The following TBX18 variants were observed in gnomAD, a reference collection of about 807,000 sequenced individuals.
TBX18 encodes the protein T-box transcription factor 18.
Under a neutral mutation model 55.0 loss-of-function variants are expected in TBX18, and 21 were observed. The ratio of observed to expected loss-of-function variants is 0.38; its 90% CI spans 0.27 to 0.55. The LOEUF (loss-of-function observed/expected upper bound fraction) is 0.55, where lower values mean the gene tolerates loss of function less well. TBX18 is among the 20% of genes least tolerant of loss of function. The pLI is 0.73. For missense variants in TBX18, 840 were observed against 799.6 expected (o/e 1.05, Z -0.61); for synonymous variants, 342 against 326.1 (o/e 1.05, Z -0.53).
intron 2 of TBX18, among the ~76,000 whole-genome samples, chr6:84,761,555 G>A (rs775145689): frequency 2.0e-4 from 31 of 152,054 alleles, no homozygotes; most frequent in Non-Finnish European, 4.0e-4. Flanking sequence ...ATGTTTTTTT[G>A]TAATTTCTAA....
intron 6 of TBX18, among the ~76,000 whole-genome samples, chr6:84,740,054 C>T (rs970084918): frequency 6.6e-6 from 1 of 152,148 alleles, no homozygotes; most frequent in Non-Finnish European, 1.5e-5. Flanking sequence ...GCACATAAGC[C>T]TGACTCATCT....
At chr6:84,763,718 C>A (rs568618778) in intron 1 of TBX18, among the ~76,000 whole-genome samples, 172 bp downstream of exon 1, 32 of 152,168 alleles carry the variant, frequency 2.1e-4, no homozygotes, top group Non-Finnish European at 4.4e-4. Context: ...GTATCTGAAC[C>A]GTCTGGAGGG....
At position 84,737,091 on chromosome 6, in the gene TBX18, G is replaced by C. The variant is rs377374716; in HGVS notation, c.1418C>G (p.Thr473Ser). The C allele has an allele frequency of 6.2e-7, 1 of 1,614,218 alleles. No individual in the cohort carries two copies. The highest frequency in any genetic ancestry group is 8.5e-7 in the Non-Finnish European group (1 of 1,180,044). ...STSVNMSMGG[T>S]DGDTFSCPQT... ...TGGGCAGCTGAAGGTGTCCCCATCA[G>C]TGCCACCCATGGACATGTTCACGGA... The change falls in exon 8 of 8, where the codon ACT (threonine) becomes AGT (serine). Residue 473 changes from threonine to serine, a missense_variant. Physicochemically the swap from Thr to Ser is moderately conservative, Grantham distance 58. Transcript: ENST00000369663.
rs1773902766 is a variant in TBX18, at chr6:84,735,103, G to A, written c.*1582C>T. 1.3e-5 allele frequency: 2 copies of A among 152,104 alleles called. No homozygotes were observed. Among genetic ancestry groups the A allele is most frequent in the South Asian group, 4.1e-4 (2 of 4,830 alleles). The allele number at this position is 152,104 out of a possible 1,614,324, so 9.4% of individuals were successfully genotyped here. Reference sequence around the variant, plus strand: ...GTACCCTTTCCCCACCAAATCCAGGGATGAGTTAAAGCAACTCTTTTTAGC... The same window carrying A: ...GTACCCTTTCCCCACCAAATCCAGGAATGAGTTAAAGCAACTCTTTTTAGC... On this transcript the variant is annotated 3_prime_UTR_variant, in exon 8 of 8. Transcript: ENST00000369663.
intron 3 of TBX18, among the ~76,000 whole-genome samples, chr6:84,759,199 A>T (rs1767578418): frequency 6.6e-6 from 1 of 152,138 alleles, no homozygotes; most frequent in African/African-American, 2.4e-5. Context: ...AATAACTTAT[A>T]CACAAAACAA....
intron 4 of TBX18, among the ~76,000 whole-genome samples, chr6:84,752,530 C>G (rs1053135755): frequency 9.9e-5 from 15 of 152,198 alleles, no homozygotes; most frequent in African/African-American, 3.4e-4. Flanking sequence ...ATAATGGACT[C>G]TTTACAAATA....
Position 84,764,207 on chromosome 6 carries a change from CCT to C in TBX18, c.-28_-27del. 9 of 1,435,778 alleles carry C rather than the reference CCT, an allele frequency of 6.3e-6. No individual in the cohort carries two copies. The highest frequency in any genetic ancestry group is 2.6e-5 in the East Asian group (1 of 37,814). 88.9% of individuals were successfully genotyped at this position (1,435,778 alleles called of 1,614,324 possible). On this transcript the variant is annotated 5_prime_UTR_variant, in exon 1 of 8. Coordinates refer to ENST00000369663, the MANE Select transcript of TBX18 (RefSeq NM_001080508.3). ...CCCCCCCGCCCCGCGCCCGCCCGCC[CCT>C]CTCTCATATACACTCACGCGGGCAC...
chr6:84,763,931 C>T lies in TBX18; in HGVS notation c.251G>A (p.Gly84Glu). ...ALPPPAGATS[G>E]PARSGADLER... ...CAGGTCTGCGCCACTCCGAGCCGGC[C>T]CAGACGTCGCCCCAGCCGGCGGCGG... Residue 84 changes from glycine to glutamate, a missense_variant, in exon 1 of 8, where the codon GGG becomes GAG. Physicochemically the swap from Gly to Glu is moderately conservative, Grantham distance 98 (BLOSUM62 -2). Coordinates refer to ENST00000369663, the MANE Select transcript of TBX18 (RefSeq NM_001080508.3). The T allele has an allele frequency of 6.3e-7, 1 of 1,576,980 alleles. No individual in the cohort carries two copies. Among genetic ancestry groups the T allele is most frequent in the Non-Finnish European group, 8.6e-7 (1 of 1,167,288 alleles).
At position 84,738,495 on chromosome 6, in the gene TBX18, AC is replaced by A; in HGVS notation, c.1099+1del. ...TATGACCCAGGAGACTTTGTGAGTT[AC>A]CTTGCTTGGGAATTCCAGGGATATC... On this transcript the variant is annotated splice_donor_variant, in intron 7 of 7. Transcript: ENST00000369663. LOFTEE classifies it high-confidence loss of function. The A allele has an allele frequency of 6.2e-7, 1 of 1,613,486 alleles. No individual in the cohort carries two copies. Among genetic ancestry groups the A allele is most frequent in the Non-Finnish European group, 8.5e-7 (1 of 1,179,478 alleles).
intron 5 of TBX18, among the ~76,000 whole-genome samples, chr6:84,746,538 A>T (rs1767196069): frequency 6.8e-6 from 1 of 146,688 alleles, no homozygotes; most frequent in Non-Finnish European, 1.5e-5. Flanking sequence ...ATATATTAAA[A>T]TCATAAATAC....
rs1767084878 is a variant in TBX18, at chr6:84,742,945, T to C, written c.1004+1316A>G. Among the ~76,000 whole-genome samples, 3 of 152,214 alleles carry C rather than the reference T, an allele frequency of 2.0e-5. No homozygotes were observed. In the South Asian group the frequency reaches 6.2e-4, roughly 31 times the overall value. On this transcript the variant is annotated intron_variant, in intron 6 of 7. Transcript: ENST00000369663. ...TTAAATGATGGTTCAATTTGCATTT[T>C]AATTTTCAGAAACACCTCTGAAAAA...
chr6:84,763,989 C>A lies in TBX18; in HGVS notation c.193G>T (p.Gly65Cys). 3.8e-6 allele frequency: 6 copies of A among 1,575,434 alleles called. No homozygotes were observed. The highest frequency in any genetic ancestry group is 1.1e-5 in the South Asian group (1 of 87,486). Residue 65 changes from glycine (G) to cysteine (C), a missense_variant, in exon 1 of 8, where the codon GGT becomes TGT. Physicochemically the swap from Gly to Cys is radical, Grantham distance 159. Coordinates refer to ENST00000369663, the MANE Select transcript of TBX18 (RefSeq NM_001080508.3). ...GCGCCTTCGTCTCCCTCAGAAGAACCCTTTTCGCCCGCGCCGCCGCCGCGG... is the reference window on the plus strand; with the variant it reads ...GCGCCTTCGTCTCCCTCAGAAGAACACTTTTCGCCCGCGCCGCCGCCGCGG... ...CSRGGGAGEK[G>C]SSEGDEGAAL...
At chr6:84,748,897 A>G (rs917285432) in intron 4 of TBX18, among the ~76,000 whole-genome samples, 3 of 152,256 alleles carry the variant, frequency 2.0e-5, no homozygotes, top group Non-Finnish European at 4.4e-5. Flanking sequence ...TAAATTAGTT[A>G]GGTGAATGAA....
intron 4 of TBX18, among the ~76,000 whole-genome samples, chr6:84,749,476 AT>A (rs1015411996): frequency 2.7e-4 from 34 of 126,144 alleles, no homozygotes; most frequent in Middle Eastern, 4.1e-3. Flanking sequence ...TGTGGCTAAG[AT>A]TTTTTTTTTC....
In TBX18 at chr6:84,763,994, T is replaced by A; in HGVS notation, c.188A>T (p.Glu63Val). ...GGCSRGGGAG[E>V]KGSSEGDEGA... ...TTCGTCTCCCTCAGAAGAACCCTTTTCGCCCGCGCCGCCGCCGCGGCTGCA... is the reference window on the plus strand; with the variant it reads ...TTCGTCTCCCTCAGAAGAACCCTTTACGCCCGCGCCGCCGCCGCGGCTGCA... Residue 63 changes from glutamate (E) to valine (V), a missense_variant, in exon 1 of 8, where the codon GAA becomes GTA. Physicochemically the swap from Glu to Val is moderately radical, Grantham distance 121. Coordinates refer to ENST00000369663, the MANE Select transcript of TBX18 (RefSeq NM_001080508.3). The A allele has an allele frequency of 1.9e-6, 3 of 1,570,264 alleles. No individual in the cohort carries two copies. Among genetic ancestry groups the A allele is most frequent in the Non-Finnish European group, 2.6e-6 (3 of 1,163,060 alleles).
intron 5 of TBX18, among the ~76,000 whole-genome samples, chr6:84,747,675 G>C (rs1767232780): frequency 6.6e-6 from 1 of 151,684 alleles, no homozygotes; most frequent in African/African-American, 2.4e-5. Context: ...TAATTCAAAA[G>C]CTCAAAATGG....
At chr6:84,754,790 T>G (rs897694568) in intron 4 of TBX18, among the ~76,000 whole-genome samples, 2 of 152,180 alleles carry the variant, frequency 1.3e-5, no homozygotes, top group Non-Finnish European at 2.9e-5. Flanking sequence ...CTACCCTTCA[T>G]AATGTGGGTA....
In TBX18 at chr6:84,734,772, A is replaced by T. The variant is rs1773895308; in HGVS notation, c.*1913T>A. 1 of 152,392 alleles carries T rather than the reference A, an allele frequency of 6.6e-6. No individual in the cohort carries two copies. Among genetic ancestry groups the T allele is most frequent in the African/African-American group, 2.4e-5 (1 of 41,446 alleles). The allele number at this position is 152,392 out of a possible 1,614,324, so 9.4% of individuals were successfully genotyped here. Reference sequence around the variant, plus strand: ...AAGATGGAAAACTCTCTGTTCTTGAATTATACACCAAGCACTATTGGCTGA... The same window carrying T: ...AAGATGGAAAACTCTCTGTTCTTGATTTATACACCAAGCACTATTGGCTGA... On this transcript the variant is annotated 3_prime_UTR_variant, in exon 8 of 8. Transcript: ENST00000369663.
At chr6:84,754,410 T>C (rs1214753431) in intron 4 of TBX18, among the ~76,000 whole-genome samples, 2 of 152,208 alleles carry the variant, frequency 1.3e-5, no homozygotes, top group African/African-American at 4.8e-5. Flanking sequence ...ATTGTACAAG[T>C]ACATCTCTCT....
Sources: allele counts gnomAD v4.1 joint callset (sites outside exome capture counted in the v4.1 genomes callset), GRCh38; gene constraint gnomAD v4.1.1; transcripts MANE v1.5; gene names NCBI Gene and HGNC (gene_info 2026-07-23, HGNC 2026-07-21).